The following BLTP1 variants were observed in gnomAD, a reference collection of about 807,000 sequenced individuals.
BLTP1 encodes the protein bridge-like lipid transfer protein family member 1.
At chr4:122,207,077 T>G in the BLTP1 span, 1 of 1,559,070 alleles carries the variant, frequency 6.4e-7, no homozygotes, top group South Asian at 1.2e-5. Flanking sequence ...CAACTAACTT[T>G]ACAATTTCTA....
At chr4:122,208,400 A>G in the BLTP1 span, 1 of 985,092 alleles carries the variant, frequency 1.0e-6, no homozygotes, top group African/African-American at 1.7e-5. Flanking sequence ...CAAGATGAAC[A>G]AAGAATAGAA....
the BLTP1 span, chr4:122,263,060 A>G: frequency 6.8e-7 from 1 of 1,459,860 alleles, no homozygotes; most frequent in Non-Finnish European, 9.2e-7. Flanking sequence ...AAGTTTAGTT[A>G]GATATATACT....
At chr4:122,331,397 C>A in the BLTP1 span, 3 of 1,612,064 alleles carry the variant, frequency 1.9e-6, no homozygotes, top group Non-Finnish European at 2.5e-6. Flanking sequence ...TGGCCAACAA[C>A]ACCAGTCAAT....
At chr4:122,353,767 C>G in the BLTP1 span, 6 of 1,555,944 alleles carry the variant, frequency 3.9e-6, no homozygotes, top group Admixed American at 1.8e-5. The surrounding 1 kb of genome is among the most constrained non-coding windows in gnomAD (Gnocchi z 4.3). Flanking sequence ...CATCTTGAAT[C>G]TAAATATGGT....
chr4:122,238,436 C>G, the BLTP1 span: 1 of 1,000,158 alleles, frequency 1.0e-6, no homozygotes, highest in Non-Finnish European at 1.5e-6. Context: ...TCTTCCCTCT[C>G]CACTCCCCCA....
At chr4:122,355,629 A>G in the BLTP1 span, 1 of 175,006 alleles carries the variant, frequency 5.7e-6, no homozygotes, top group Non-Finnish European at 1.1e-5. Context: ...GTCCATGTAT[A>G]TGTATATATC....
chr4:122,336,839 C>A, the BLTP1 span: 1 of 1,557,192 alleles, frequency 6.4e-7, no homozygotes, highest in Non-Finnish European at 8.7e-7. Flanking sequence ...AAATAGTTTG[C>A]CTTTGATCTA....
At chr4:122,178,105 T>TA in the BLTP1 span, 1 of 867,622 alleles carries the variant, frequency 1.2e-6, no homozygotes, top group Non-Finnish European at 1.4e-6. Flanking sequence ...AGAAACATCT[T>TA]ATAGAATGCT....
the BLTP1 span, chr4:122,243,002 TC>T: frequency 6.3e-7 from 1 of 1,585,416 alleles, no homozygotes; most frequent in Non-Finnish European, 8.7e-7. Context: ...TTCTAGGTTA[TC>T]AAGCAGGGGC....
the BLTP1 span, chr4:122,313,583 A>G: frequency 6.6e-7 from 1 of 1,513,260 alleles, no homozygotes; most frequent in South Asian, 1.2e-5. Context: ...TATAGTCACA[A>G]ATGTATTTTT....
the BLTP1 span, chr4:122,209,380 C>T: frequency 3.5e-5 from 56 of 1,595,998 alleles, no homozygotes; most frequent in Non-Finnish European, 1.7e-5. Flanking sequence ...CACAGTGGCT[C>T]ACGCCTGTAA....
At chr4:122,305,647 T>A in the BLTP1 span, 3 of 953,854 alleles carry the variant, frequency 3.1e-6, no homozygotes, top group African/African-American at 3.5e-5. Context: ...GACCTCATCC[T>A]AACTTTTATA....
At chr4:122,178,239 A>G in the BLTP1 span, 1 of 674,730 alleles carries the variant, frequency 1.5e-6, no homozygotes. Flanking sequence ...AACTCAATCA[A>G]AATTTACCAG....
the BLTP1 span, among the ~76,000 whole-genome samples, chr4:122,233,551 T>G: frequency 6.6e-6 from 1 of 152,214 alleles, no homozygotes; most frequent in Non-Finnish European, 1.5e-5. Context: ...TTAAGATATC[T>G]TTGCTGCTTG....
chr4:122,282,643 A>G, the BLTP1 span, among the ~76,000 whole-genome samples: 1 of 151,902 alleles, frequency 6.6e-6, no homozygotes, highest in Non-Finnish European at 1.5e-5. Context: ...CTTCATCTCA[A>G]AAAAAAAGGC....
At chr4:122,156,497 A>T in the BLTP1 span, among the ~76,000 whole-genome samples, 1 of 152,210 alleles carries the variant, frequency 6.6e-6, no homozygotes, top group Non-Finnish European at 1.5e-5. Flanking sequence ...AGGACAACTA[A>T]AGTATCCATT....
At chr4:122,154,572 T>C in the BLTP1 span, among the ~76,000 whole-genome samples, 1 of 152,106 alleles carries the variant, frequency 6.6e-6, no homozygotes, top group Admixed American at 6.6e-5. Flanking sequence ...TAAAGTGTTT[T>C]AAGAAGAAAT....
chr4:122,155,324 A>ATTTTTT, the BLTP1 span, among the ~76,000 whole-genome samples: 1 of 141,768 alleles, frequency 7.1e-6, no homozygotes, highest in South Asian at 2.2e-4. Context: ...GGAAGCTAGG[A>ATTTTTT]TTTTTTTTTT....
chr4:122,254,012 A>C, the BLTP1 span: 1 of 164,134 alleles, frequency 6.1e-6, no homozygotes, highest in Non-Finnish European at 1.3e-5. Flanking sequence ...TAAAGTGCTG[A>C]AGGAAAAACA....
Sources: gnomAD v4.1 joint callset for allele counts (sites outside exome capture counted in the v4.1 genomes callset) on GRCh38, gnomAD v4.1.1 for gene constraint, Gnocchi (gnomAD v3.1) non-coding constraint, MANE v1.5 for transcripts, NCBI Gene and HGNC (gene_info 2026-07-23, HGNC 2026-07-21) for gene names.